The following TMX1 variants were observed in gnomAD, a reference collection of about 807,000 sequenced individuals.
The protein encoded by TMX1 is thioredoxin related transmembrane protein 1.
Under a neutral mutation model 36.6 loss-of-function variants are expected in TMX1, and 25 were observed. The ratio of observed to expected loss-of-function variants is 0.68; its 90% CI spans 0.50 to 0.95. The LOEUF (loss-of-function observed/expected upper bound fraction) is 0.95, where lower values mean the gene tolerates loss of function less well. Ranked by LOEUF, TMX1 falls within the 40% of genes least tolerant of loss-of-function variation. The pLI is 0.00. For missense variants in TMX1, 347 were observed against 339.6 expected, an observed-to-expected ratio of 1.02 and a Z score of -0.17; for synonymous variants, 133 against 118.0, an observed-to-expected ratio of 1.13 and a Z score of -0.82.
chr14:51,245,696 G>A (rs553532084), intron 3 of TMX1: 2 of 365,210 alleles, frequency 5.5e-6, no homozygotes, highest in Non-Finnish European at 1.0e-5. Context: ...CAGTTACCTG[G>A]ATTGGTTCCC....
At chr14:51,249,398 A>G (rs1334799226) in intron 5 of TMX1, 27 bp downstream of exon 5, 1 of 1,599,602 alleles carries the variant, frequency 6.3e-7, no homozygotes, top group Admixed American at 1.8e-5. Flanking sequence ...TTTTATCTTA[A>G]ACATTTTTAC....
chr14:51,243,588 C>G (rs1475063768), intron 1 of TMX1, among the ~76,000 whole-genome samples: 3 of 152,182 alleles, frequency 2.0e-5, no homozygotes, highest in African/African-American at 7.2e-5. Context: ...CAAAAGTTTT[C>G]TAAAGAGCTG....
chr14:51,246,280 A>G (rs993694132), intron 3 of TMX1, among the ~76,000 whole-genome samples: 1 of 152,024 alleles, frequency 6.6e-6, no homozygotes, highest in Non-Finnish European at 1.5e-5. Flanking sequence ...TCTTTTAGTC[A>G]AAATTGTTTA....
intron 7 of TMX1, among the ~76,000 whole-genome samples, chr14:51,250,480 TTTTG>T (rs143992568): frequency 0.75 from 112,398 of 150,598 alleles, 42,065 homozygotes; most frequent in Non-Finnish European, 0.77. Context: ...TTATTATGTC[TTTTG>T]TTTGTTTGTT....
intron 7 of TMX1, among the ~76,000 whole-genome samples, chr14:51,250,586 G>A (rs1451241118): frequency 6.6e-6 from 1 of 152,138 alleles, no homozygotes; most frequent in African/African-American, 2.4e-5. Flanking sequence ...CTGCCTTCCG[G>A]GTTCATGCTA....
Position 51,257,654 on chromosome 14 carries a change from A to G in TMX1, c.*3135A>G, listed in dbSNP as rs2065844653. On this transcript the variant is annotated 3_prime_UTR_variant, in exon 8 of 8. Transcript: ENST00000457354. The stretch of plus-strand genomic sequence containing the variant: ...TAAGTTGGAATTTTGGTAATATGTA[A>G]ATAGCAAAGTCAGATTATATATTTG... 1 of 152,188 alleles carries G rather than the reference A, an allele frequency of 6.6e-6. No homozygotes were observed. The highest frequency in any genetic ancestry group is 2.4e-5 in the African/African-American group (1 of 41,432). The allele number at this position is 152,188 out of a possible 1,614,324, so 9.4% of individuals were successfully genotyped here. A position where few individuals can be genotyped will look rare whatever the true frequency, so the allele number is the denominator to read the frequency against.
Position 51,257,630 on chromosome 14 carries a change from A to C in TMX1, c.*3111A>C, listed in dbSNP as rs1330249916. On this transcript the variant is annotated 3_prime_UTR_variant, in exon 8 of 8. Transcript: ENST00000457354. The stretch of plus-strand genomic sequence containing the variant: ...TTAAAACTAGAGTAACAATAAATTT[A>C]AGTTGGAATTTTGGTAATATGTAAA... 2.0e-5 allele frequency: 3 copies of C among 152,198 alleles called. No homozygotes were observed. The highest frequency in any genetic ancestry group is 2.1e-4 in the South Asian group (1 of 4,832). The allele number at this position is 152,198 out of a possible 1,614,324, so 9.4% of individuals were successfully genotyped here.
rs1284965970 is a variant in TMX1 at position 51,255,684 on chromosome 14, T to TGGTA, written c.*1166_*1169dup. The stretch of plus-strand genomic sequence containing the variant: ...ATATTATCCTGTGTTCTTTCCTGAC[T>TGGTA]GGTAATATTGTGTGGGATTTCACAG... On this transcript the variant is annotated 3_prime_UTR_variant, in exon 8 of 8. Coordinates refer to ENST00000457354, the MANE Select transcript of TMX1 (RefSeq NM_030755.5). The TGGTA allele has an allele frequency of 7.9e-5, 12 of 152,118 alleles. No individual in the cohort carries two copies. Among genetic ancestry groups the TGGTA allele is most frequent in the African/African-American group, 2.9e-4 (12 of 41,462 alleles). 9.4% of individuals were successfully genotyped at this position (152,118 alleles called of 1,614,324 possible).
intron 1 of TMX1, among the ~76,000 whole-genome samples, 197 bp downstream of exon 1, chr14:51,240,641 T>C (rs1255750299): frequency 1.3e-5 from 2 of 152,112 alleles, no homozygotes. Context: ...TACCCGTGAA[T>C]GTTAAGTTTC....
At chr14:51,243,093 T>TAA (rs34241507) in intron 1 of TMX1, among the ~76,000 whole-genome samples, 4 of 138,190 alleles carry the variant, frequency 2.9e-5, no homozygotes, top group African/African-American at 1.1e-4. Context: ...CTGGTTCTGT[T>TAA]AAAAAAAAAA....
At chr14:51,247,896 C>A (rs917430010) in intron 4 of TMX1, among the ~76,000 whole-genome samples, 2 of 152,168 alleles carry the variant, frequency 1.3e-5, no homozygotes, top group Admixed American at 6.5e-5. Flanking sequence ...TGTACTCATG[C>A]TACCTCCAGA....
At chr14:51,250,102 C>T (rs563596710) in intron 7 of TMX1, among the ~76,000 whole-genome samples, 12 of 152,226 alleles carry the variant, frequency 7.9e-5, no homozygotes, top group East Asian at 3.9e-4. Context: ...GTATACCGGC[C>T]GCCACATTTG....
At chr14:51,250,528 G>T (rs1201659633) in intron 7 of TMX1, among the ~76,000 whole-genome samples, 2 of 152,116 alleles carry the variant, frequency 1.3e-5, no homozygotes. Context: ...GTCTCGCTCT[G>T]TTGCCCAGGC....
chr14:51,242,625 G>A (rs564319579), intron 1 of TMX1, among the ~76,000 whole-genome samples: 90 of 152,036 alleles, frequency 5.9e-4, no homozygotes, highest in African/African-American at 2.1e-3. Context: ...AAAAAAATAC[G>A]AAAAATTAGC....
Position 51,255,691 on chromosome 14 carries a change from A to G in TMX1, c.*1172A>G, listed in dbSNP as rs564217617. ...CCTGTGTTCTTTCCTGACTGGTAAT[A>G]TTGTGTGGGATTTCACAGGTAAAAG... is the stretch of plus-strand genomic sequence containing the variant. On this transcript the variant is annotated 3_prime_UTR_variant, in exon 8 of 8. Transcript: ENST00000457354. 77 of 152,184 alleles carry G rather than the reference A, an allele frequency of 5.1e-4. No homozygotes were observed. Among genetic ancestry groups the G allele is most frequent in the African/African-American group, 1.8e-3 (73 of 41,556 alleles). 9.4% of individuals were successfully genotyped at this position (152,184 alleles called of 1,614,324 possible). A position where few individuals can be genotyped will look rare whatever the true frequency, so the allele number is the denominator to read the frequency against.
rs191398195 is a variant in TMX1 at position 51,242,643 on chromosome 14, G to A, written c.153-1213G>A. ...AAAATACGAAAAATTAGCTGGGCGT[G>A]TGGGCAGGCATCTGTAGTCCCAGCT... On this transcript the variant is annotated intron_variant, in intron 1 of 7. Coordinates refer to ENST00000457354, the MANE Select transcript of TMX1 (RefSeq NM_030755.5). Among the ~76,000 whole-genome samples, 224 of 152,296 alleles carry A rather than the reference G, an allele frequency of 1.5e-3. 3 individuals carry two copies. Among genetic ancestry groups the A allele is most frequent in the African/African-American group, 5.2e-3 (215 of 41,560 alleles).
At chr14:51,241,741 A>G (rs577405446) in intron 1 of TMX1, among the ~76,000 whole-genome samples, 1 of 152,354 alleles carries the variant, frequency 6.6e-6, no homozygotes, top group East Asian at 1.9e-4. Flanking sequence ...TGTCACGAAT[A>G]CAGCAAGGGT....
rs543184047 is a variant in TMX1, at chr14:51,249,170, A to G, written c.444-156A>G. Among the ~76,000 whole-genome samples, 16 of 152,338 alleles carry G rather than the reference A, an allele frequency of 1.1e-4. No individual in the cohort carries two copies. In the South Asian group the frequency reaches 2.5e-3, roughly 24 times the overall value. ...CAATTTAGAAACAGTTTTCATGAAG[A>G]AGGCTTATTACAGGCATGAAATCAG... On this transcript the variant is annotated intron_variant, in intron 4 of 7. Coordinates refer to ENST00000457354, the MANE Select transcript of TMX1 (RefSeq NM_030755.5).
chr14:51,245,655 T>A, intron 3 of TMX1: 1 of 460,998 alleles, frequency 2.2e-6, no homozygotes, highest in Non-Finnish European at 3.8e-6. Flanking sequence ...TAGTGGTGAG[T>A]CCTGTAGGTA....
Sources: gnomAD v4.1 joint callset for allele counts (sites outside exome capture counted in the v4.1 genomes callset) on GRCh38, gnomAD v4.1.1 for gene constraint, MANE v1.5 for transcripts, NCBI Gene and HGNC (gene_info 2026-07-23, HGNC 2026-07-21) for gene names.